Variants in ENTREP3 observed in about 807,000 individuals in gnomAD.
ENTREP3 encodes the protein endosomal transmembrane epsin interactor 3, also known as protein ENTREP3.
chr1:155,250,951 T>A, the ENTREP3 span: 15 of 1,248,506 alleles, frequency 1.2e-5, no homozygotes, highest in African/African-American at 2.3e-4. This position sits in a 1 kb window ranked among gnomAD's most constrained non-coding sequence, Gnocchi z 5.4. Flanking sequence ...AGGAGAAAAA[T>A]AAGTCCAGGG....
the ENTREP3 span, chr1:155,247,559 C>G: frequency 1.4e-6 from 1 of 713,474 alleles, no homozygotes. Context: ...GGCATCTCCC[C>G]CACAGTCTAA....
chr1:155,255,010 T>G, the ENTREP3 span: 1 of 705,964 alleles, frequency 1.4e-6, no homozygotes, highest in Non-Finnish European at 2.3e-6. This position sits in a 1 kb window ranked among gnomAD's most constrained non-coding sequence, Gnocchi z 5.6. Context: ...CTGGGTCCCC[T>G]GGGGCATGGC....
the ENTREP3 span, chr1:155,252,064 AACCC>A: frequency 1.1e-5 from 6 of 539,498 alleles, no homozygotes; most frequent in South Asian, 5.9e-5. Context: ...AGCTCTCCTT[AACCC>A]CACGCTCACC....
chr1:155,254,427 C>T, the ENTREP3 span: 2 of 1,614,102 alleles, frequency 1.2e-6, no homozygotes, highest in African/African-American at 2.7e-5. The surrounding 1 kb of genome is among the most constrained non-coding windows in gnomAD (Gnocchi z 4.4). Context: ...GCTTCCAGGA[C>T]ACAATGCCAA....
chr1:155,254,083 C>T, the ENTREP3 span: 4 of 1,613,776 alleles, frequency 2.5e-6, no homozygotes, highest in African/African-American at 5.3e-5. This position sits in a 1 kb window ranked among gnomAD's most constrained non-coding sequence, Gnocchi z 4.4. Flanking sequence ...TCAAATCTCA[C>T]CAGAGAGCAC....
At chr1:155,254,974 C>T in the ENTREP3 span, 17 of 978,104 alleles carry the variant, frequency 1.7e-5, no homozygotes, top group Non-Finnish European at 2.4e-5. This position sits in a 1 kb window ranked among gnomAD's most constrained non-coding sequence, Gnocchi z 4.4. Context: ...CTCTCCACCC[C>T]ACTCGCTCTA....
the ENTREP3 span, chr1:155,248,117 G>A: frequency 6.2e-7 from 1 of 1,614,180 alleles, no homozygotes; most frequent in African/African-American, 1.3e-5. Context: ...GAGGAAACGA[G>A]TGACCAGGCC....
chr1:155,248,050 C>A, the ENTREP3 span: 46 of 1,614,104 alleles, frequency 2.8e-5, 1 homozygote, highest in South Asian at 4.7e-4. Context: ...GAATTCCTAC[C>A]TGCTTATGTC....
the ENTREP3 span, chr1:155,251,819 C>A: frequency 6.3e-7 from 1 of 1,576,460 alleles, no homozygotes; most frequent in Non-Finnish European, 8.6e-7. Flanking sequence ...CCTCCAGGTC[C>A]AGCATGGTGT....
chr1:155,250,555 G>C, the ENTREP3 span: 1 of 1,582,640 alleles, frequency 6.3e-7, no homozygotes, highest in Non-Finnish European at 8.6e-7. The surrounding 1 kb of genome is among the most constrained non-coding windows in gnomAD (Gnocchi z 5.4). Context: ...CCCAGTGGGG[G>C]TGGAGCTTCA....
chr1:155,251,373 C>G, the ENTREP3 span: 1 of 746,100 alleles, frequency 1.3e-6, no homozygotes, highest in Non-Finnish European at 2.2e-6. Flanking sequence ...TCAAAGGCAA[C>G]AGTGGGCATG....
the ENTREP3 span, among the ~76,000 whole-genome samples, chr1:155,249,184 T>C: frequency 1.3e-5 from 2 of 151,926 alleles, no homozygotes; most frequent in African/African-American, 4.8e-5. Flanking sequence ...GCTTTCCAGG[T>C]TCAAGCGATT....
the ENTREP3 span, chr1:155,250,872 C>A: frequency 6.6e-7 from 1 of 1,517,144 alleles, no homozygotes; most frequent in Non-Finnish European, 8.9e-7. This position sits in a 1 kb window ranked among gnomAD's most constrained non-coding sequence, Gnocchi z 5.4. Context: ...TGGCCTAGCC[C>A]TGCCCAGGCA....
the ENTREP3 span, chr1:155,248,211 G>A: frequency 3.7e-6 from 6 of 1,609,622 alleles, no homozygotes; most frequent in South Asian, 6.6e-5. Flanking sequence ...TGGAAGGTGG[G>A]CACAGGGCGC....
chr1:155,254,771 G>A, the ENTREP3 span: 90 of 1,613,760 alleles, frequency 5.6e-5, no homozygotes, highest in Middle Eastern at 1.5e-3. The surrounding 1 kb of genome is among the most constrained non-coding windows in gnomAD (Gnocchi z 4.4). Context: ...CAGCCCCAGC[G>A]TAAGCAGGGC....
the ENTREP3 span, chr1:155,248,078 C>T: frequency 2.5e-6 from 4 of 1,614,144 alleles, no homozygotes; most frequent in Non-Finnish European, 3.4e-6. Context: ...TCCAGTCCCA[C>T]TGGGGTCTGG....
chr1:155,248,887 C>G, the ENTREP3 span, among the ~76,000 whole-genome samples: 56,164 of 150,784 alleles, frequency 0.37, 12,553 homozygotes, highest in East Asian at 0.71. Flanking sequence ...GCTAATTTTT[C>G]AATTTTTAGT....
the ENTREP3 span, chr1:155,252,992 C>G: frequency 6.6e-6 from 1 of 151,916 alleles, no homozygotes; most frequent in African/African-American, 2.4e-5. Flanking sequence ...ACTGCAAGCT[C>G]TGCCTCCCAG....
chr1:155,248,598 G>C, the ENTREP3 span: 1 of 754,224 alleles, frequency 1.3e-6, no homozygotes, highest in Non-Finnish European at 2.3e-6. Context: ...CCCAATCAAA[G>C]GGCCAGCATC....
Sources: gnomAD v4.1 joint callset for allele counts (sites outside exome capture counted in the v4.1 genomes callset) on GRCh38, gnomAD v4.1.1 for gene constraint, Gnocchi (gnomAD v3.1) non-coding constraint, MANE v1.5 for transcripts, NCBI Gene and HGNC (gene_info 2026-07-23, HGNC 2026-07-21) for gene names.